RAB3GAP2: variants seen among roughly 807,000 people sequenced by gnomAD.
The protein encoded by RAB3GAP2 is rab3 GTPase-activating protein non-catalytic subunit.
Under a neutral mutation model 185.3 loss-of-function variants are expected in RAB3GAP2, and 87 were observed. The observed-to-expected ratio is 0.47, with a 90% CI of 0.39 to 0.56. The LOEUF (loss-of-function observed/expected upper bound fraction) is 0.56, where lower values mean the gene tolerates loss of function less well. Ranked by LOEUF, RAB3GAP2 falls within the 20% of genes least tolerant of loss-of-function variation. The probability of loss-of-function intolerance (pLI) is 0.00; values close to 1 mark genes in which losing one functional copy is unlikely to be tolerated. For missense variants in RAB3GAP2, 1,492 were observed against 1,638.2 expected (o/e 0.91, Z 1.54); for synonymous variants, 554 against 576.1 (o/e 0.96, Z 0.55).
chr1:220,205,418 G>A (rs1001271102), intron 8 of RAB3GAP2, among the ~76,000 whole-genome samples: 6 of 152,054 alleles, frequency 3.9e-5, no homozygotes, highest in African/African-American at 1.2e-4. Flanking sequence ...ATATCTGTAG[G>A]ATCTTGCATC....
rs1657898607 is a variant in RAB3GAP2, at chr1:220,158,421, G to T, written c.3262-545C>A. Among the ~76,000 whole-genome samples the T allele has an allele frequency of 6.6e-6, 1 of 151,980 alleles. No individual in the cohort carries two copies. The highest frequency in any genetic ancestry group is 1.5e-5 in the Non-Finnish European group (1 of 67,970). ...GACTCCTTTAAAGGGCTTGTCCAAG[G>T]GACCACTGCATTTGTGTATAATCTT... is the stretch of plus-strand genomic sequence containing the variant. On this transcript the variant is annotated intron_variant, in intron 29 of 34. Coordinates refer to ENST00000358951, the MANE Select transcript of RAB3GAP2 (RefSeq NM_012414.4). The surrounding 1 kb of genome is among the most constrained non-coding windows in gnomAD (Gnocchi z 4.3).
At position 220,189,726 on chromosome 1, in the gene RAB3GAP2, T is replaced by C. The variant is rs754890142; in HGVS notation, c.1756A>G (p.Lys586Glu). The C allele has an allele frequency of 1.9e-6, 3 of 1,554,224 alleles. No individual in the cohort carries two copies. The highest frequency in any genetic ancestry group is 2.6e-6 in the Non-Finnish European group (3 of 1,136,174). Residue 586 changes from lysine (K) to glutamate (E), a missense_variant, in exon 17 of 35, where the codon AAA becomes GAA. By Grantham distance (56) the Lys-to-Glu change is moderately conservative. This residue lies in a region of RAB3GAP2 where 681 missense variants were observed against 689.1 expected (regional missense o/e 0.99). Coordinates refer to ENST00000358951, the MANE Select transcript of RAB3GAP2 (RefSeq NM_012414.4). ...TEIKELILDI[K>E]YPATKKQALE... ...ACTTGTTTTTTGGTTGCAGGGTATT[T>C]AATATCAAGAATTAATTCCTTTATT...
intron 1 of RAB3GAP2, chr1:220,254,183 G>C (rs539030690): frequency 3.0e-4 from 491 of 1,613,432 alleles, no homozygotes; most frequent in Non-Finnish European, 4.1e-4. Context: ...AAATCTCGTG[G>C]AAACACAGAT....
At chr1:220,161,851 C>A (rs1234693970) in intron 28 of RAB3GAP2, among the ~76,000 whole-genome samples, 1 of 152,192 alleles carries the variant, frequency 6.6e-6, no homozygotes, top group Non-Finnish European at 1.5e-5. Flanking sequence ...AGAATGCAAT[C>A]AACTCCATTC....
chr1:220,157,420 T>C lies in RAB3GAP2; in HGVS notation c.3405A>G (p.Glu1135=). The C allele has an allele frequency of 6.2e-7, 1 of 1,614,030 alleles. No individual in the cohort carries two copies. The highest frequency in any genetic ancestry group is 8.5e-7 in the Non-Finnish European group (1 of 1,180,004). Residue 1135 remains glutamate, a synonymous_variant, in exon 31 of 35, where the codon GAA becomes GAG. Transcript: ENST00000358951. ...LDTEDAWLSV[E]GPISIVELAL... ...CCAGTTCCACTATGGAGATTGGTCC[T>C]TCCACGGAGAGCCACGCATCCTCAG... is the stretch of plus-strand genomic sequence containing the variant.
chr1:220,201,238 G>T (rs1377942958), intron 9 of RAB3GAP2, among the ~76,000 whole-genome samples: 6 of 151,900 alleles, frequency 3.9e-5, no homozygotes, highest in African/African-American at 1.5e-4. Flanking sequence ...AAGCGATGGG[G>T]TCTCGCTATA....
chr1:220,258,040 C>G (rs1001817837), intron 1 of RAB3GAP2, among the ~76,000 whole-genome samples: 1 of 151,956 alleles, frequency 6.6e-6, no homozygotes, highest in African/African-American at 2.4e-5. Context: ...AAGACTCAAC[C>G]AGGAAGAAAC....
At chr1:220,170,451 A>G (rs545327987) in intron 24 of RAB3GAP2, among the ~76,000 whole-genome samples, 6 of 152,350 alleles carry the variant, frequency 3.9e-5, no homozygotes, top group Non-Finnish European at 7.3e-5. Flanking sequence ...AATGCAAAAA[A>G]AAAAAGGATA....
chr1:220,165,229 A>T (rs1658042230), intron 26 of RAB3GAP2, among the ~76,000 whole-genome samples: 2 of 149,728 alleles, frequency 1.3e-5, no homozygotes. Flanking sequence ...ATAATGAACA[A>T]AACAGACCCC....
intron 2 of RAB3GAP2, 63 bp downstream of exon 2, chr1:220,232,736 C>T: frequency 7.3e-7 from 1 of 1,372,970 alleles, no homozygotes; most frequent in Non-Finnish European, 1.0e-6. Flanking sequence ...GGAAATATGT[C>T]ACCATCATTA....
At chr1:220,182,491 A>C in intron 20 of RAB3GAP2, 137 bp from the exon 21 acceptor site, 1 of 1,496,202 alleles carries the variant, frequency 6.7e-7, no homozygotes, top group South Asian at 1.3e-5. Context: ...AATTTGCTTG[A>C]TTTATTAAAG....
Position 220,148,642 on chromosome 1 carries a change from T to G in RAB3GAP2, c.*2609A>C, listed in dbSNP as rs933872822. The G allele has an allele frequency of 6.6e-6, 1 of 152,196 alleles. No homozygotes were observed. Among genetic ancestry groups the G allele is most frequent in the Non-Finnish European group, 1.5e-5 (1 of 68,008 alleles). 9.4% of individuals were successfully genotyped at this position (152,196 alleles called of 1,614,324 possible). ...AAGTCTCATATTATTAAATTTCAGA[T>G]TTTTGACTTTTTAGATCGCAATTGT... On this transcript the variant is annotated 3_prime_UTR_variant, in exon 35 of 35. Transcript: ENST00000358951.
Position 220,191,216 on chromosome 1 carries a change from C to A in RAB3GAP2, c.1339G>T (p.Ala447Ser). 1 of 1,613,828 alleles carries A rather than the reference C, an allele frequency of 6.2e-7. No homozygotes were observed. The part of the protein sequence containing the change: ...EDLHERVPEK[A>S]DFSPFGNSQG... ...GAATTTCCAAAGGGGGAAAAATCTG[C>A]CTTTTCTGGCACTCTTTCATGGAGG... is the stretch of plus-strand genomic sequence containing the variant. The change falls in exon 14 of 35, where the codon GCA becomes TCA. Residue 447 changes from alanine to serine, a missense_variant. Ala to Ser is a moderately conservative substitution (Grantham distance 99). Transcript: ENST00000358951.
At chr1:220,252,723 G>A (rs1029722580) in intron 1 of RAB3GAP2, among the ~76,000 whole-genome samples, 1 of 152,132 alleles carries the variant, frequency 6.6e-6, no homozygotes, top group South Asian at 2.1e-4. Flanking sequence ...ATCTCCTCAT[G>A]AGCCCACACC....
chr1:220,184,290 G>T, intron 18 of RAB3GAP2, 127 bp from the exon 19 acceptor site: 1 of 822,760 alleles, frequency 1.2e-6, no homozygotes. Flanking sequence ...ATACTGAGAT[G>T]CTTAAGCTAT....
At chr1:220,230,661 G>A (rs966379070) in intron 2 of RAB3GAP2, among the ~76,000 whole-genome samples, 2 of 152,148 alleles carry the variant, frequency 1.3e-5, no homozygotes, top group African/African-American at 4.8e-5. Context: ...AACTGGGTAT[G>A]ACACAACATC....
chr1:220,266,956 T>C, intron 1 of RAB3GAP2: 1 of 1,601,694 alleles, frequency 6.2e-7, no homozygotes, highest in Non-Finnish European at 8.6e-7. Flanking sequence ...AACTAAAAAT[T>C]CACAGCAAAG....
chr1:220,169,029 G>A (rs1017272048), intron 24 of RAB3GAP2, among the ~76,000 whole-genome samples: 1 of 152,082 alleles, frequency 6.6e-6, no homozygotes, highest in African/African-American at 2.4e-5. Flanking sequence ...TCTTATGTTT[G>A]GCTTCTAAAT....
intron 16 of RAB3GAP2, 76 bp from the exon 17 acceptor site, chr1:220,189,843 A>G: frequency 1.6e-6 from 2 of 1,247,454 alleles, no homozygotes; most frequent in African/African-American, 3.0e-5. Context: ...GAAAATGAAC[A>G]TATCTGTACT....
Sources: gnomAD v4.1 joint callset for allele counts (sites outside exome capture counted in the v4.1 genomes callset) on GRCh38, gnomAD v4.1.1 for gene constraint, gnomAD v4.1.1 regional missense constraint, Gnocchi (gnomAD v3.1) non-coding constraint, MANE v1.5 for transcripts, NCBI Gene and HGNC (gene_info 2026-07-23, HGNC 2026-07-21) for gene names.